Variants in RORA observed in about 807,000 individuals in gnomAD.
RORA encodes the protein nuclear receptor ROR-alpha.
RORA carries 7 observed loss-of-function variants against 69.5 expected under a neutral mutation model. The observed-to-expected ratio is 0.10, with a 90% confidence interval of 0.06 to 0.19. RORA has a LOEUF of 0.19. Among genes scored for constraint, RORA ranks in the 10% least tolerant of loss-of-function variants. RORA has a pLI of 1.00. For synonymous variants in RORA, 261 were observed against 240.8 expected, an observed-to-expected ratio of 1.08 and a Z score of -0.78; for missense variants, 457 against 663.0, an observed-to-expected ratio of 0.69 and a Z score of 3.41.
intron 1 of RORA, among the ~76,000 whole-genome samples, chr15:61,222,096 G>C (rs1366559133): frequency 3.3e-5 from 5 of 151,954 alleles, no homozygotes; most frequent in African/African-American, 1.2e-4. Context: ...CTCTGACACA[G>C]AGTTTCAGAG....
chr15:60,834,719 CG>C (rs2073092541), intron 1 of RORA, among the ~76,000 whole-genome samples: 1 of 152,212 alleles, frequency 6.6e-6, no homozygotes, highest in African/African-American at 2.4e-5. Flanking sequence ...TTCCATCCCC[CG>C]ATGAGGGGCT....
chr15:60,834,863 T>C (rs2073095422), intron 1 of RORA, among the ~76,000 whole-genome samples: 1 of 152,012 alleles, frequency 6.6e-6, no homozygotes, highest in African/African-American at 2.4e-5. Flanking sequence ...CACACTGCAA[T>C]AGTATATTTT....
At chr15:61,168,721 G>C (rs2079559446) in intron 1 of RORA, among the ~76,000 whole-genome samples, 1 of 152,062 alleles carries the variant, frequency 6.6e-6, no homozygotes, top group African/African-American at 2.4e-5. Context: ...CCCTCACCAG[G>C]AGTCTGCTCA....
At chr15:61,050,996 G>T (rs62005637) in intron 1 of RORA, among the ~76,000 whole-genome samples, 14,713 of 152,274 alleles carry the variant, frequency 0.097, 956 homozygotes, top group Non-Finnish European at 0.14. Flanking sequence ...CATTTCCCCA[G>T]AGGTGACAGA....
At chr15:60,884,419 A>T (rs1595791054) in intron 1 of RORA, among the ~76,000 whole-genome samples, 2 of 151,928 alleles carry the variant, frequency 1.3e-5, no homozygotes, top group Admixed American at 1.3e-4. Context: ...CTGGATACTT[A>T]TGTCACCCAG....
Position 60,495,518 on chromosome 15 carries a change from G to C in RORA, c.*1937C>G, listed in dbSNP as rs2065146158. ...CTCAAGAAACAAGTCAGAAAAGTCA[G>C]TGGAGTTAGAAACAGAGTGAAGTGC... On this transcript the variant is annotated 3_prime_UTR_variant, in exon 11 of 11. Coordinates refer to ENST00000335670, the MANE Select transcript of RORA (RefSeq NM_134261.3). The C allele has an allele frequency of 6.6e-6, 1 of 152,234 alleles. No individual in the cohort carries two copies. Among genetic ancestry groups the C allele is most frequent in the Admixed American group, 6.5e-5 (1 of 15,276 alleles). 9.4% of individuals were successfully genotyped at this position (152,234 alleles called of 1,614,324 possible).
chr15:61,053,129 A>C (rs1178678416), intron 1 of RORA, among the ~76,000 whole-genome samples: 3 of 152,306 alleles, frequency 2.0e-5, no homozygotes, highest in Non-Finnish European at 4.4e-5. Flanking sequence ...ACCAGACCTG[A>C]TCGGAGCTAC....
chr15:60,627,172 G>A (rs2069605681), intron 2 of RORA: 1 of 1,416,926 alleles, frequency 7.1e-7, no homozygotes, highest in Non-Finnish European at 9.9e-7. Context: ...ACATTGGGTT[G>A]TGGGTGGTGG....
At chr15:60,582,165 T>C (rs2068213280) in intron 2 of RORA, among the ~76,000 whole-genome samples, 1 of 152,210 alleles carries the variant, frequency 6.6e-6, no homozygotes, top group South Asian at 2.1e-4. Context: ...TTATTATTAA[T>C]ATTAATGAAA....
At chr15:61,060,934 C>T (rs1251005663) in intron 1 of RORA, among the ~76,000 whole-genome samples, 3 of 152,136 alleles carry the variant, frequency 2.0e-5, no homozygotes, top group Non-Finnish European at 1.5e-5. Flanking sequence ...AGCGTGCGGC[C>T]GATGGGCCAT....
chr15:60,602,771 T>A (rs2140558874), intron 2 of RORA, among the ~76,000 whole-genome samples: 1 of 152,372 alleles, frequency 6.6e-6, no homozygotes, highest in South Asian at 2.1e-4. Context: ...CTCAGCTTTT[T>A]AATCTTATTA....
At chr15:60,569,807 G>C (rs2067826293) in intron 2 of RORA, among the ~76,000 whole-genome samples, 1 of 152,162 alleles carries the variant, frequency 6.6e-6, no homozygotes, top group Non-Finnish European at 1.5e-5. Context: ...ACAGAGAGCA[G>C]GGCCAAGCAG....
intron 1 of RORA, among the ~76,000 whole-genome samples, chr15:60,984,229 G>C (rs1894128607): frequency 6.6e-6 from 1 of 151,930 alleles, no homozygotes; most frequent in Admixed American, 6.6e-5. Context: ...TGTTCCTTTA[G>C]GTTTTAAAAA....
chr15:60,875,860 G>C (rs1394146244), intron 1 of RORA, among the ~76,000 whole-genome samples: 1 of 152,162 alleles, frequency 6.6e-6, no homozygotes, highest in African/African-American at 2.4e-5. Context: ...ACGCCTGCAG[G>C]AGGTTAAACA....
At chr15:60,914,399 C>T (rs1477211978) in intron 1 of RORA, among the ~76,000 whole-genome samples, 1 of 152,290 alleles carries the variant, frequency 6.6e-6, no homozygotes, top group Non-Finnish European at 1.5e-5. Flanking sequence ...CAGGCAGCCA[C>T]TCCTCCTTAC....
chr15:60,896,885 T>C (rs1346045056), intron 1 of RORA, among the ~76,000 whole-genome samples: 1 of 152,136 alleles, frequency 6.6e-6, no homozygotes, highest in East Asian at 1.9e-4. Flanking sequence ...TCACTTTATC[T>C]AAGTGGGGCC....
chr15:61,222,248 G>C (rs115877642), intron 1 of RORA, among the ~76,000 whole-genome samples: 2 of 152,076 alleles, frequency 1.3e-5, no homozygotes, highest in East Asian at 3.9e-4. Context: ...CCAGTTCTGC[G>C]GACAAAACCA....
At chr15:60,958,976 G>A (rs1002778797) in intron 1 of RORA, among the ~76,000 whole-genome samples, 1 of 152,128 alleles carries the variant, frequency 6.6e-6, no homozygotes, top group Non-Finnish European at 1.5e-5. Context: ...CCAACTCTCT[G>A]CCAACAAGCC....
chr15:60,550,155 A>T (rs1461867230), intron 2 of RORA, among the ~76,000 whole-genome samples: 5 of 152,128 alleles, frequency 3.3e-5, no homozygotes. Flanking sequence ...GCCAGGTGTG[A>T]TGGCACACGC....
Sources: allele counts gnomAD v4.1 joint callset (sites outside exome capture counted in the v4.1 genomes callset), GRCh38; gene constraint gnomAD v4.1.1; transcripts MANE v1.5; gene names NCBI Gene and HGNC (gene_info 2026-07-23, HGNC 2026-07-21).